The following NSUN6 variants were observed in gnomAD, a reference collection of about 807,000 sequenced individuals.
The protein encoded by NSUN6 is NOP2/Sun RNA methyltransferase 6.
A neutral mutation model predicts 58.0 loss-of-function variants in NSUN6; 64 were observed. The ratio of observed to expected loss-of-function variants is 1.10; its 90% CI spans 0.90 to 1.36. The LOEUF (loss-of-function observed/expected upper bound fraction) is 1.36. Among genes scored for constraint, NSUN6 ranks in the 40% most tolerant of loss-of-function variants. The probability of loss-of-function intolerance (pLI) is 0.00; values close to 1 mark genes in which losing one functional copy is unlikely to be tolerated. For synonymous variants in NSUN6, 231 were observed against 193.9 expected, an observed-to-expected ratio of 1.19 and a Z score of -1.59; for missense variants, 701 against 550.1, an observed-to-expected ratio of 1.27 and a Z score of -2.74.
At chr10:18,650,748 G>C (rs2059679791) in intron 1 of NSUN6, among the ~76,000 whole-genome samples, 1 of 152,208 alleles carries the variant, frequency 6.6e-6, no homozygotes, top group South Asian at 2.1e-4. Context: ...ACAACTGCTG[G>C]CATTTAAGAG....
At chr10:18,633,991 A>G (rs186654833) in intron 3 of NSUN6, among the ~76,000 whole-genome samples, 2 of 152,318 alleles carry the variant, frequency 1.3e-5, no homozygotes, top group East Asian at 3.9e-4. Context: ...AACATATTTG[A>G]TTAGTCCCAT....
intron 3 of NSUN6, among the ~76,000 whole-genome samples, chr10:18,627,112 T>C (rs1451754606): frequency 2.6e-5 from 4 of 152,164 alleles, no homozygotes. Flanking sequence ...AGTCATTAAA[T>C]TACCAGACAA....
Position 18,635,109 on chromosome 10 carries a change from G to C in NSUN6, c.311+7367C>G, listed in dbSNP as rs770862434. On this transcript the variant is annotated intron_variant, in intron 3 of 10. Coordinates refer to ENST00000377304, the MANE Select transcript of NSUN6 (RefSeq NM_182543.5). ...TGTGCTACGCAGAGGGTGCCTATGT[G>C]ACCAGCCCAATAAAACCCTTGGGCA... 3.0e-4 allele frequency among the ~76,000 whole-genome samples: 46 copies of C among 152,294 alleles called. 1 individual carries two copies. The highest frequency in any genetic ancestry group is 2.1e-4 in the South Asian group (1 of 4,828).
upstream of NSUN6, among the ~76,000 whole-genome samples, chr10:18,655,943 C>T (rs546582908): frequency 5.3e-5 from 8 of 152,112 alleles, no homozygotes; most frequent in South Asian, 2.1e-4. Flanking sequence ...CATAGACCTA[C>T]GGCTAGTTTG....
intron 6 of NSUN6, among the ~76,000 whole-genome samples, chr10:18,607,456 T>A (rs1318128196): frequency 6.6e-6 from 1 of 152,216 alleles, no homozygotes; most frequent in South Asian, 2.1e-4. Flanking sequence ...ATTTTATGGA[T>A]CAGGTAAGAC....
chr10:18,548,034 G>T, intron 10 of NSUN6, 78 bp downstream of exon 10: 4 of 1,401,382 alleles, frequency 2.9e-6, no homozygotes, highest in African/African-American at 1.4e-5. Flanking sequence ...TTATCTCTTC[G>T]TTAACACCCT....
chr10:18,653,003 A>G (rs760833858), upstream of NSUN6: 2 of 985,108 alleles, frequency 2.0e-6, no homozygotes, highest in Non-Finnish European at 1.2e-6. Context: ...TATTTCTTCA[A>G]TAAATCCATG....
chr10:18,569,195 C>T (rs1179361964), intron 8 of NSUN6, among the ~76,000 whole-genome samples: 1 of 151,346 alleles, frequency 6.6e-6, no homozygotes, highest in African/African-American at 2.4e-5. Flanking sequence ...ATTCTCCATT[C>T]CATTCCATTC....
intron 3 of NSUN6, among the ~76,000 whole-genome samples, chr10:18,620,912 G>A (rs995660137): frequency 1.3e-5 from 2 of 152,180 alleles, no homozygotes; most frequent in African/African-American, 4.8e-5. Flanking sequence ...TAGATTTTAT[G>A]AAAATAACAT....
intron 8 of NSUN6, among the ~76,000 whole-genome samples, chr10:18,555,524 G>A (rs1428219096): frequency 6.6e-6 from 1 of 150,494 alleles, no homozygotes; most frequent in South Asian, 2.1e-4. Flanking sequence ...GAATGGAAGG[G>A]AGCATGGAAT....
intron 3 of NSUN6, among the ~76,000 whole-genome samples, chr10:18,629,262 C>T: frequency 6.6e-6 from 1 of 152,112 alleles, no homozygotes; most frequent in Non-Finnish European, 1.5e-5. Flanking sequence ...AAGCACTAAA[C>T]ATGGAAAGGA....
At chr10:18,569,733 T>TCC (rs910738275) in intron 8 of NSUN6, among the ~76,000 whole-genome samples, 33 of 151,270 alleles carry the variant, frequency 2.2e-4, no homozygotes, top group Non-Finnish European at 3.4e-4. Flanking sequence ...CACACCATCC[T>TCC]CCATTCCATT....
chr10:18,618,411 G>A (rs532591639), intron 3 of NSUN6, among the ~76,000 whole-genome samples: 1 of 152,232 alleles, frequency 6.6e-6, no homozygotes, highest in East Asian at 1.9e-4. Context: ...GTCAGGTGCA[G>A]TGGCTCACAC....
chr10:18,638,799 G>A (rs1231001130), intron 3 of NSUN6, among the ~76,000 whole-genome samples: 3 of 152,040 alleles, frequency 2.0e-5, no homozygotes, highest in Non-Finnish European at 4.4e-5. Flanking sequence ...GGCAGGGGGT[G>A]CGGGAAATCT....
rs111680313 is a variant in NSUN6 at position 18,584,069 on chromosome 10, C to A, written c.922+1880G>T. Among the ~76,000 whole-genome samples, 175 of 152,292 alleles carry A rather than the reference C, an allele frequency of 1.1e-3. 1 individual carries two copies. Among genetic ancestry groups the A allele is most frequent in the African/African-American group, 3.8e-3 (156 of 41,566 alleles). On this transcript the variant is annotated intron_variant, in intron 8 of 10. Transcript: ENST00000377304. ...CAGTCAATTTGCAGACCAAACCATACTGGCCAGCGAACTTTCACCTCCAGG... is the reference window on the plus strand; with the variant it reads ...CAGTCAATTTGCAGACCAAACCATAATGGCCAGCGAACTTTCACCTCCAGG...
chr10:18,654,631 C>T (rs2131621956), upstream of NSUN6: 1 of 152,378 alleles, frequency 6.6e-6, no homozygotes, highest in East Asian at 1.9e-4. Context: ...GCCTGTAATC[C>T]CAACACTTTG....
At chr10:18,649,807 A>G (rs1377302848) in intron 1 of NSUN6, among the ~76,000 whole-genome samples, 1 of 152,182 alleles carries the variant, frequency 6.6e-6, no homozygotes, top group Admixed American at 6.5e-5. Context: ...AAATCTGCTG[A>G]AAAAATTGTG....
At chr10:18,585,157 C>A (rs551415824) in intron 8 of NSUN6, among the ~76,000 whole-genome samples, 31 of 152,156 alleles carry the variant, frequency 2.0e-4, no homozygotes, top group Admixed American at 9.2e-4. Context: ...AACACACACA[C>A]AAAAAATAAT....
chr10:18,566,323 TTCCATTCCACAA>T (rs2055938651), intron 8 of NSUN6, among the ~76,000 whole-genome samples: 1 of 150,554 alleles, frequency 6.6e-6, no homozygotes, highest in Non-Finnish European at 1.5e-5. Flanking sequence ...TTTCATTCTA[TTCCATTCCACAA>T]TCCATTCCAT....
Sources: allele counts gnomAD v4.1 joint callset (sites outside exome capture counted in the v4.1 genomes callset), GRCh38; gene constraint gnomAD v4.1.1; transcripts MANE v1.5; gene names NCBI Gene and HGNC (gene_info 2026-07-23, HGNC 2026-07-21).